The following DENND10 variants were observed in gnomAD, a reference collection of about 807,000 sequenced individuals.
DENND10 encodes the protein DENN domain containing 10.
A neutral mutation model predicts 43.6 loss-of-function variants in DENND10; 24 were observed. The observed-to-expected ratio is 0.55, with a 90% confidence interval of 0.40 to 0.77. The LOEUF is 0.77. Among genes scored for constraint, DENND10 ranks in the 30% least tolerant of loss-of-function variants. The probability of loss-of-function intolerance (pLI) is 0.00; values close to 1 mark genes in which losing one functional copy is unlikely to be tolerated. For synonymous variants in DENND10, 125 were observed against 157.6 expected (o/e 0.79, Z 1.55); for missense variants, 303 against 429.9 (o/e 0.70, Z 2.61).
chr10:119,104,305 A>C, intron 1 of DENND10, 108 bp downstream of exon 1: 3 of 1,064,742 alleles, frequency 2.8e-6, no homozygotes, highest in Non-Finnish European at 3.9e-6. Context: ...CGACCGCATG[A>C]GGAGGGCGCG....
chr10:119,122,038 G>A (rs993465355), intron 5 of DENND10, among the ~76,000 whole-genome samples: 1 of 152,122 alleles, frequency 6.6e-6, no homozygotes, highest in Non-Finnish European at 1.5e-5. Flanking sequence ...CGGGCATGGT[G>A]GCTCACACCT....
chr10:119,120,889 C>G (rs1053161715), intron 5 of DENND10, among the ~76,000 whole-genome samples: 1 of 152,112 alleles, frequency 6.6e-6, no homozygotes, highest in African/African-American at 2.4e-5. Context: ...TCAGTTTTAT[C>G]AAAGACTCTT....
At chr10:119,111,081 T>G (rs866605813) in intron 2 of DENND10, among the ~76,000 whole-genome samples, 1 of 151,034 alleles carries the variant, frequency 6.6e-6, no homozygotes, top group Non-Finnish European at 1.5e-5. Context: ...GCCAACAGAG[T>G]GAAACACTGT....
Position 119,124,434 on chromosome 10 carries a change from G to A in DENND10, c.694+865G>A, listed in dbSNP as rs149248675. On this transcript the variant is annotated intron_variant, in intron 6 of 8. Transcript: ENST00000361432. ...TGGGTGCCTGTAGTCCCAGCTACTC[G>A]GGAGGCTGAGGCACAAGAATCACTT... Among the ~76,000 whole-genome samples the A allele has an allele frequency of 0.013, 1,926 of 150,760 alleles. 122 individuals are homozygous for A. The East Asian group carries it at 0.18, about 14-fold the overall frequency.
chr10:119,129,361 T>C, intron 6 of DENND10, 154 bp from the exon 7 acceptor site: 1 of 612,388 alleles, frequency 1.6e-6, no homozygotes, highest in East Asian at 2.8e-5. Context: ...CTGATAGTAA[T>C]GTAGTCTTAC....
At chr10:119,108,197 A>T in intron 2 of DENND10, 33 bp downstream of exon 2, 1 of 1,522,902 alleles carries the variant, frequency 6.6e-7, no homozygotes. Context: ...AAAAAACCCC[A>T]AAATAGGCTG....
intron 6 of DENND10, among the ~76,000 whole-genome samples, chr10:119,125,603 G>A (rs1281741393): frequency 1.4e-5 from 2 of 146,730 alleles, no homozygotes; most frequent in Non-Finnish European, 3.0e-5. Flanking sequence ...CACCTCCCAG[G>A]TTCAAGCGAT....
intron 3 of DENND10, among the ~76,000 whole-genome samples, chr10:119,117,225 A>G (rs1267183190): frequency 6.6e-6 from 1 of 151,924 alleles, no homozygotes; most frequent in Non-Finnish European, 1.5e-5. Context: ...TACAAAACTT[A>G]GCAGGGTGTG....
intron 4 of DENND10, among the ~76,000 whole-genome samples, chr10:119,119,422 G>T (rs1845456562): frequency 6.6e-6 from 1 of 151,482 alleles, no homozygotes; most frequent in African/African-American, 2.4e-5. Context: ...AATTACAGGT[G>T]TGAACCACTG....
intron 3 of DENND10, among the ~76,000 whole-genome samples, chr10:119,117,120 C>G (rs1845327038): frequency 6.6e-6 from 1 of 151,902 alleles, no homozygotes; most frequent in Non-Finnish European, 1.5e-5. Context: ...AGCTGTAATC[C>G]CAGCACTTTA....
intron 2 of DENND10, among the ~76,000 whole-genome samples, chr10:119,110,699 C>T (rs1224847198): frequency 1.3e-5 from 2 of 152,084 alleles, no homozygotes; most frequent in Non-Finnish European, 2.9e-5. Flanking sequence ...TTGTGATCCA[C>T]CTGCCTCGGC....
At chr10:119,106,773 G>A (rs1235388315) in intron 1 of DENND10, among the ~76,000 whole-genome samples, 2 of 152,160 alleles carry the variant, frequency 1.3e-5, no homozygotes, top group African/African-American at 4.8e-5. Flanking sequence ...GGCTGGGCAC[G>A]GTGGCTCACG....
intron 3 of DENND10, among the ~76,000 whole-genome samples, chr10:119,116,505 C>G (rs1441801211): frequency 6.6e-6 from 1 of 152,148 alleles, no homozygotes; most frequent in Non-Finnish European, 1.5e-5. Context: ...ATGTAAGACA[C>G]AGGATAAGTG....
rs34179455 is a variant in DENND10 at position 119,137,967 on chromosome 10, A to G, written c.*1320A>G. 0.62 allele frequency: 103,503 copies of G among 166,872 alleles called. 32,611 individuals carry two copies. Among genetic ancestry groups the G allele is most frequent in the African/African-American group, 0.7 (29,161 of 41,456 alleles). The allele number at this position is 166,872 out of a possible 1,614,324, so 10.3% of individuals were successfully genotyped here. ...AATTTATGATGCAGAAATAAAATTG[A>G]TATATTTTGATATTCAACTACTTTT... On this transcript the variant is annotated 3_prime_UTR_variant, in exon 9 of 9. Transcript: ENST00000361432.
At chr10:119,111,627 T>G (rs1047172878) in intron 2 of DENND10, among the ~76,000 whole-genome samples, 4 of 152,150 alleles carry the variant, frequency 2.6e-5, no homozygotes, top group Non-Finnish European at 5.9e-5. Context: ...GAAAATTTTT[T>G]CTCTAAATAT....
At position 119,129,509 on chromosome 10, in the gene DENND10, AT is replaced by A. The variant is rs1353392971; in HGVS notation, c.695-5del. 1.9e-6 allele frequency: 3 copies of A among 1,604,370 alleles called. No individual in the cohort carries two copies. Among genetic ancestry groups the A allele is most frequent in the Non-Finnish European group, 2.6e-6 (3 of 1,171,178 alleles). On this transcript the variant is annotated splice_region_variant and splice_polypyrimidine_tract_variant and intron_variant, in intron 6 of 8. Transcript: ENST00000361432. ...TCCAGTAAGGTTGCTCATGTTTGTG[AT>A]GCAGGTTACGTCGCTGGATTTGTAG...
chr10:119,130,013 CTT>C (rs199747044), intron 7 of DENND10, among the ~76,000 whole-genome samples: 1 of 146,600 alleles, frequency 6.8e-6, no homozygotes. Context: ...TTTTCTTCTT[CTT>C]TTTTTTTTTG....
chr10:119,112,038 G>C (rs1564782484), intron 3 of DENND10, 110 bp downstream of exon 3: 2 of 801,244 alleles, frequency 2.5e-6, no homozygotes, highest in East Asian at 4.9e-5. Flanking sequence ...TGTCTCCCCA[G>C]CATAATCTTT....
chr10:119,116,817 T>C (rs1466733129), intron 3 of DENND10, among the ~76,000 whole-genome samples: 1 of 149,564 alleles, frequency 6.7e-6, no homozygotes, highest in Admixed American at 6.8e-5. Context: ...TACAGGCATG[T>C]ACTGCCACAC....
Sources: allele counts gnomAD v4.1 joint callset (sites outside exome capture counted in the v4.1 genomes callset), GRCh38; gene constraint gnomAD v4.1.1; transcripts MANE v1.5; gene names NCBI Gene and HGNC (gene_info 2026-07-23, HGNC 2026-07-21).